The following PDE1C variants were observed in gnomAD, a reference collection of about 807,000 sequenced individuals.
PDE1C encodes the protein dual specificity calcium/calmodulin-dependent 3',5'-cyclic nucleotide phosphodiesterase 1C.
Under a neutral mutation model 93.1 loss-of-function variants are expected in PDE1C, and 62 were observed. The ratio of observed to expected loss-of-function variants is 0.67; its 90% CI spans 0.54 to 0.82. PDE1C has a LOEUF of 0.82. Among genes scored for constraint, PDE1C ranks in the 40% least tolerant of loss-of-function variants. The pLI is 0.00. For missense variants in PDE1C, 742 were observed against 884.6 expected (o/e 0.84, Z 2.04); for synonymous variants, 325 against 310.1 (o/e 1.05, Z -0.50).
chr7:32,329,505 G>A (rs951940747), intron 1 of PDE1C, among the ~76,000 whole-genome samples: 4 of 152,094 alleles, frequency 2.6e-5, no homozygotes, highest in Non-Finnish European at 5.9e-5. Flanking sequence ...TCCCTGCTTT[G>A]GGCCACTTTA....
At chr7:32,076,642 C>CAAAAAAAAA (rs869181797) in intron 3 of PDE1C, among the ~76,000 whole-genome samples, 2 of 40,466 alleles carry the variant, frequency 4.9e-5, no homozygotes, top group African/African-American at 9.5e-5. Context: ...GACTCCATCT[C>CAAAAAAAAA]AAAAAAAAAA....
the PDE1C span, among the ~76,000 whole-genome samples, chr7:31,744,864 C>G: frequency 6.6e-6 from 1 of 152,134 alleles, no homozygotes; most frequent in Non-Finnish European, 1.5e-5. Context: ...AAGAAAGGTT[C>G]AGACAAATTG....
intron 14 of PDE1C, chr7:31,820,664 A>G (rs746966602): frequency 6.6e-6 from 1 of 152,116 alleles, no homozygotes; most frequent in Admixed American, 6.6e-5. Flanking sequence ...AAGAGCAACA[A>G]ACAAAACAGC....
the PDE1C span, among the ~76,000 whole-genome samples, chr7:31,734,464 A>G: frequency 1.3e-5 from 2 of 152,202 alleles, no homozygotes; most frequent in Non-Finnish European, 2.9e-5. Context: ...CCCTGCACCA[A>G]GGAGCCCTGG....
intron 1 of PDE1C, among the ~76,000 whole-genome samples, chr7:32,281,308 TAAAC>T (rs755669108): frequency 7.2e-5 from 11 of 152,218 alleles, no homozygotes; most frequent in Non-Finnish European, 1.5e-4. Flanking sequence ...CATCTGAACA[TAAAC>T]AAGGCTAAAA....
intron 2 of PDE1C, among the ~76,000 whole-genome samples, chr7:32,174,347 C>T (rs371214508): frequency 6.6e-6 from 1 of 152,156 alleles, no homozygotes; most frequent in African/African-American, 2.4e-5. Flanking sequence ...CCCAAGGGAA[C>T]CCACAAGCAA....
chr7:32,142,777 G>C (rs1800613093), intron 3 of PDE1C, among the ~76,000 whole-genome samples: 1 of 152,162 alleles, frequency 6.6e-6, no homozygotes, highest in Non-Finnish European at 1.5e-5. Context: ...CCAAAGAAGA[G>C]ATGCTCGAGC....
chr7:32,121,908 A>G (rs933054869), intron 3 of PDE1C, among the ~76,000 whole-genome samples: 6 of 152,230 alleles, frequency 3.9e-5, no homozygotes, highest in Admixed American at 6.5e-5. Context: ...AATGCCCCCA[A>G]TTAAAAGACA....
At chr7:32,401,305 G>A (rs1191825604) in intron 1 of PDE1C, among the ~76,000 whole-genome samples, 3 of 152,142 alleles carry the variant, frequency 2.0e-5, no homozygotes, top group African/African-American at 4.8e-5. Context: ...TTGGGAGGCC[G>A]AGGCGGGCAG....
intron 16 of PDE1C, among the ~76,000 whole-genome samples, chr7:31,782,649 T>G (rs924998316): frequency 6.6e-6 from 1 of 152,188 alleles, no homozygotes; most frequent in Non-Finnish European, 1.5e-5. Context: ...CTGGATGCCA[T>G]AAAGGATGTA....
At chr7:32,189,880 C>T (rs1468327142) in intron 2 of PDE1C, among the ~76,000 whole-genome samples, 3 of 152,184 alleles carry the variant, frequency 2.0e-5, no homozygotes, top group South Asian at 4.1e-4. Context: ...GTGACTTACT[C>T]ATTTTTGAAC....
chr7:31,653,039 G>A, the PDE1C span: 2 of 1,293,006 alleles, frequency 1.5e-6, no homozygotes, highest in Non-Finnish European at 2.0e-6. Flanking sequence ...TATGTGCCTG[G>A]CACAGAGTAT....
At chr7:31,887,205 T>C (rs1291673121) in intron 2 of PDE1C, among the ~76,000 whole-genome samples, 1 of 152,176 alleles carries the variant, frequency 6.6e-6, no homozygotes, top group Non-Finnish European at 1.5e-5. Context: ...AGTGGTAGTA[T>C]GGATGGTTGC....
At chr7:31,776,042 G>A (rs112319860) in intron 16 of PDE1C, among the ~76,000 whole-genome samples, 85 of 147,764 alleles carry the variant, frequency 5.8e-4, no homozygotes, top group African/African-American at 1.8e-3. Flanking sequence ...TTGCCTGGGC[G>A]TCACCCCCAC....
chr7:31,725,392 C>A, the PDE1C span, among the ~76,000 whole-genome samples: 1 of 152,084 alleles, frequency 6.6e-6, no homozygotes, highest in Non-Finnish European at 1.5e-5. Context: ...AGGATGAGAC[C>A]CAACCAACTT....
the PDE1C span, among the ~76,000 whole-genome samples, chr7:31,639,246 T>C: frequency 0.3 from 45,713 of 152,104 alleles, 7,330 homozygotes; most frequent in East Asian, 0.54. Flanking sequence ...ACTTGTCTCA[T>C]CACTTGCTGA....
At chr7:31,679,830 C>A in the PDE1C span, among the ~76,000 whole-genome samples, 2 of 152,316 alleles carry the variant, frequency 1.3e-5, no homozygotes. Flanking sequence ...GCTTTGGCGA[C>A]ACAGTGGGGA....
At chr7:31,946,100 C>T (rs1806567864) in intron 2 of PDE1C, among the ~76,000 whole-genome samples, 1 of 152,128 alleles carries the variant, frequency 6.6e-6, no homozygotes, top group Non-Finnish European at 1.5e-5. Context: ...TAGAGCTCTT[C>T]ATATATCAAT....
chr7:32,167,626 T>C (rs2128802957), intron 3 of PDE1C, among the ~76,000 whole-genome samples: 1 of 152,258 alleles, frequency 6.6e-6, no homozygotes, highest in East Asian at 1.9e-4. Flanking sequence ...CTGTGAATAG[T>C]GAGGGACAAG....
Sources: allele counts gnomAD v4.1 joint callset (sites outside exome capture counted in the v4.1 genomes callset), GRCh38; gene constraint gnomAD v4.1.1; transcripts MANE v1.5; gene names NCBI Gene and HGNC (gene_info 2026-07-23, HGNC 2026-07-21).